Variants in TUBA1C observed in about 807,000 individuals in gnomAD.
The protein encoded by TUBA1C is tubulin alpha-1C chain.
A neutral mutation model predicts 34.9 loss-of-function variants in TUBA1C; 16 were observed. The ratio of observed to expected loss-of-function variants is 0.46; its 90% CI spans 0.31 to 0.70. TUBA1C has a LOEUF of 0.70. Ranked by LOEUF, TUBA1C falls within the 30% of genes least tolerant of loss-of-function variation. The pLI, the probability that TUBA1C is intolerant of heterozygous loss-of-function variation, is 0.05. For missense variants in TUBA1C, 329 were observed against 587.3 expected (o/e 0.56, Z 4.55); for synonymous variants, 177 against 215.9 (o/e 0.82, Z 1.58).
At chr12:49,258,331 T>C (rs927069524) in intron 1 of TUBA1C, among the ~76,000 whole-genome samples, 2 of 152,072 alleles carry the variant, frequency 1.3e-5, no homozygotes, top group African/African-American at 2.4e-5. Flanking sequence ...CCCAGCACTT[T>C]GGGAGGCCCA....
At chr12:49,270,762 T>C (rs542194124) in intron 3 of TUBA1C, among the ~76,000 whole-genome samples, 14 of 152,140 alleles carry the variant, frequency 9.2e-5, no homozygotes, top group Admixed American at 5.9e-4. Context: ...GGGCGGATCA[T>C]GAGGTCAGGA....
chr12:49,229,814 A>G (rs557361286), intron 1 of TUBA1C, among the ~76,000 whole-genome samples: 1 of 151,640 alleles, frequency 6.6e-6, no homozygotes, highest in South Asian at 2.1e-4. Context: ...ATTTTTTGAG[A>G]TGGAGTCTTG....
intron 3 of TUBA1C, among the ~76,000 whole-genome samples, chr12:49,270,999 AAAAC>A (rs1942985188): frequency 6.6e-6 from 1 of 152,050 alleles, no homozygotes; most frequent in East Asian, 1.9e-4. Context: ...ACAAACAAAA[AAAAC>A]CCTAAGCTTT....
intron 1 of TUBA1C, among the ~76,000 whole-genome samples, chr12:49,247,316 G>A (rs922654704): frequency 2.0e-5 from 3 of 151,714 alleles, no homozygotes; most frequent in Non-Finnish European, 4.4e-5. Context: ...CAGCACTTTG[G>A]GAGGCTGAGG....
chr12:49,244,149 CAA>C (rs35040535), intron 1 of TUBA1C, among the ~76,000 whole-genome samples: 174 of 97,580 alleles, frequency 1.8e-3, no homozygotes, highest in African/African-American at 4.7e-3. Context: ...GACTCTGTCT[CAA>C]AAAAAAAAAA....
chr12:49,270,702 G>A (rs1942979122), intron 3 of TUBA1C, among the ~76,000 whole-genome samples: 1 of 152,116 alleles, frequency 6.6e-6, no homozygotes, highest in Non-Finnish European at 1.5e-5. Flanking sequence ...TAAGCTTTAG[G>A]CTGGGCACGG....
intron 1 of TUBA1C, among the ~76,000 whole-genome samples, chr12:49,235,320 G>T (rs1246054141): frequency 6.6e-6 from 1 of 151,918 alleles, no homozygotes; most frequent in Non-Finnish European, 1.5e-5. Flanking sequence ...GACAGCTCGC[G>T]AAAATTCAGC....
chr12:49,248,739 G>C (rs1490536656), intron 1 of TUBA1C, among the ~76,000 whole-genome samples: 1 of 149,266 alleles, frequency 6.7e-6, no homozygotes, highest in African/African-American at 2.5e-5. Flanking sequence ...GTGGTGGCAG[G>C]CGCCTGTAGT....
At chr12:49,237,592 A>G (rs957180159) in intron 1 of TUBA1C, among the ~76,000 whole-genome samples, 1 of 151,824 alleles carries the variant, frequency 6.6e-6, no homozygotes, top group African/African-American at 2.4e-5. Flanking sequence ...AAAAGTTTTC[A>G]AAATTAGCCA....
chr12:49,266,474 G>A (rs1942914339), intron 1 of TUBA1C, among the ~76,000 whole-genome samples: 1 of 151,896 alleles, frequency 6.6e-6, no homozygotes, highest in African/African-American at 2.4e-5. Flanking sequence ...CTAGTACCAC[G>A]TGTTCTTAGT....
At chr12:49,265,067 G>A (rs1013453116), upstream of TUBA1C, 35 of 1,374,078 alleles carry the variant, frequency 2.5e-5, no homozygotes, top group African/African-American at 4.6e-4. Context: ...GCCCTTCGGG[G>A]CCGGCCACCC....
chr12:49,253,563 G>T lies in TUBA1C; in HGVS notation c.214-15902G>T, dbSNP rs565058115. On this transcript the variant is annotated intron_variant, in intron 1 of 3. Transcript: ENST00000541364. The stretch of plus-strand genomic sequence containing the variant: ...ATACTCATTTTATTTTTGAGAGAGG[G>T]TTTCACTCTTGCCCAGGCTGGAGTG... 9.2e-5 allele frequency among the ~76,000 whole-genome samples: 14 copies of T among 151,946 alleles called. No individual in the cohort carries two copies. The South Asian group carries it at 1.9e-3, about 20-fold the overall frequency.
rs760204610 is a variant in TUBA1C, at chr12:49,269,850, C to T, written c.249C>T (p.Tyr83=). 6.2e-7 allele frequency: 1 copy of T among 1,614,158 alleles called. No homozygotes were observed. Among genetic ancestry groups the T allele is most frequent in the Non-Finnish European group, 8.5e-7 (1 of 1,180,044 alleles). The change falls in exon 3 of 4, where the codon TAC becomes TAT. Residue 83 remains tyrosine (Y), a synonymous_variant. Transcript: ENST00000301072. The stretch of plus-strand genomic sequence containing the variant: ...CAGATGAAGTTCGCACTGGCACTTA[C>T]CGCCAGCTCTTCCACCCTGAGCAAC... The part of the protein sequence containing the change: ...TVIDEVRTGT[Y]RQLFHPEQLI...
intron 1 of TUBA1C, among the ~76,000 whole-genome samples, chr12:49,266,252 C>T (rs543292679): frequency 8.5e-4 from 121 of 143,126 alleles, no homozygotes; most frequent in African/African-American, 3.0e-3. Flanking sequence ...GGTGAAACCC[C>T]GTCTCTACTA....
upstream of TUBA1C, among the ~76,000 whole-genome samples, chr12:49,263,541 A>G (rs1942862079): frequency 6.6e-6 from 1 of 151,818 alleles, no homozygotes; most frequent in Non-Finnish European, 1.5e-5. Context: ...GAGTTGAAGT[A>G]TATCTTGAAC....
At chr12:49,244,121 G>C (rs928801067) in intron 1 of TUBA1C, among the ~76,000 whole-genome samples, 6 of 146,286 alleles carry the variant, frequency 4.1e-5, no homozygotes, top group Non-Finnish European at 8.9e-5. Context: ...CTGCACTCCA[G>C]CCTTGGTGAC....
At chr12:49,266,982 C>A (rs1255755606) in intron 1 of TUBA1C, among the ~76,000 whole-genome samples, 3 of 152,166 alleles carry the variant, frequency 2.0e-5, no homozygotes, top group Non-Finnish European at 1.5e-5. Flanking sequence ...CTTTAAAAAG[C>A]AGGAGAGCGG....
At chr12:49,233,505 C>T (rs979812920) in intron 1 of TUBA1C, 1 of 152,228 alleles carries the variant, frequency 6.6e-6, no homozygotes, top group African/African-American at 2.4e-5. Context: ...GCCCAACATT[C>T]CATCTCCAGG....
intron 1 of TUBA1C, among the ~76,000 whole-genome samples, chr12:49,249,138 A>G (rs1942706758): frequency 1.3e-5 from 2 of 151,994 alleles, no homozygotes; most frequent in Non-Finnish European, 2.9e-5. Context: ...TTAAGAAAAT[A>G]AAAAGAAGGC....
Sources: allele counts gnomAD v4.1 joint callset (sites outside exome capture counted in the v4.1 genomes callset), GRCh38; gene constraint gnomAD v4.1.1; transcripts MANE v1.5; gene names NCBI Gene and HGNC (gene_info 2026-07-23, HGNC 2026-07-21).